The following ZBTB24 variants were observed in gnomAD, a reference collection of about 807,000 sequenced individuals.
The protein encoded by ZBTB24 is zinc finger and BTB domain containing 24.
ZBTB24 carries 32 observed loss-of-function variants against 53.8 expected under a neutral mutation model. The ratio of observed to expected loss-of-function variants is 0.60; its 90% CI spans 0.45 to 0.80. The LOEUF (loss-of-function observed/expected upper bound fraction) is 0.80. ZBTB24 is among the 30% of genes least tolerant of loss of function. The pLI, the probability that ZBTB24 is intolerant of heterozygous loss-of-function variation, is 0.00. For missense variants in ZBTB24, 722 were observed against 837.1 expected, an observed-to-expected ratio of 0.86 and a Z score of 1.70; for synonymous variants, 297 against 306.7, an observed-to-expected ratio of 0.97 and a Z score of 0.33.
rs1332487786 is a variant in ZBTB24 at position 109,465,495 on chromosome 6, A to G, written c.*356T>C. The G allele has an allele frequency of 8.4e-6, 6 of 711,488 alleles. No individual in the cohort carries two copies. Among genetic ancestry groups the G allele is most frequent in the East Asian group, 5.4e-5 (2 of 36,808 alleles). 44.1% of individuals were successfully genotyped at this position (711,488 alleles called of 1,614,324 possible). A position where few individuals can be genotyped will look rare whatever the true frequency, so the allele number is the denominator to read the frequency against. On this transcript the variant is annotated 3_prime_UTR_variant, in exon 7 of 7. Coordinates refer to ENST00000230122, the MANE Select transcript of ZBTB24 (RefSeq NM_014797.3). ...CCTTTGTCCTAGAAAACAAAAAAAC[A>G]TAACTGGGGAGGTTGGCAAGACCAT...
chr6:109,481,579 T>C lies in ZBTB24; in HGVS notation c.448A>G (p.Ile150Val), dbSNP rs1554228827. ...LNTAGAPVVVISNKKNDPPKR... is the reference protein window; with the variant it reads ...LNTAGAPVVVVSNKKNDPPKR... ...GGAGGATCGTTTTTCTTATTAGAGA[T>C]AACAACCACTGGGGCACCAGCAGTG... The change falls in exon 2 of 7, where the codon ATC becomes GTC. Residue 150 changes from isoleucine to valine, a missense_variant. Coordinates refer to ENST00000230122, the MANE Select transcript of ZBTB24 (RefSeq NM_014797.3). 6.2e-7 allele frequency: 1 copy of C among 1,614,232 alleles called. No homozygotes were observed. Among genetic ancestry groups the C allele is most frequent in the Admixed American group, 1.7e-5 (1 of 60,030 alleles).
At position 109,481,393 on chromosome 6, in the gene ZBTB24, C is replaced by A. The variant is rs984093035; in HGVS notation, c.634G>T (p.Ala212Ser). 1.2e-6 allele frequency: 2 copies of A among 1,614,214 alleles called. No homozygotes were observed. The highest frequency in any genetic ancestry group is 1.7e-6 in the Non-Finnish European group (2 of 1,180,044). Reference sequence around the variant, plus strand: ...TCCGATTCTTCCTTTTCTTTTGCTGCAATTTGCTCATTCAGTACACCACTG... The same window carrying A: ...TCCGATTCTTCCTTTTCTTTTGCTGAAATTTGCTCATTCAGTACACCACTG... Reference protein sequence around the residue: ...GDSGVLNEQIAAKEKEESEPT... With the variant: ...GDSGVLNEQISAKEKEESEPT... The change falls in exon 2 of 7, where the codon GCA (alanine) becomes TCA (serine). Residue 212 changes from alanine (A) to serine (S), a missense_variant. Physicochemically the swap from Ala to Ser is moderately conservative, Grantham distance 99. Transcript: ENST00000230122.
At chr6:109,469,162 A>G (rs988624407) in intron 5 of ZBTB24, among the ~76,000 whole-genome samples, 1 of 152,224 alleles carries the variant, frequency 6.6e-6, no homozygotes, top group African/African-American at 2.4e-5. Context: ...TACAAAGATT[A>G]AAACCAGGCA....
intron 2 of ZBTB24, among the ~76,000 whole-genome samples, chr6:109,478,813 GACA>G (rs1776334352): frequency 7.7e-6 from 1 of 130,652 alleles, no homozygotes; most frequent in African/African-American, 4.1e-5. Flanking sequence ...TTGTAATAGT[GACA>G]GACAAACAAG....
chr6:109,480,738 C>A (rs3778479), intron 2 of ZBTB24, among the ~76,000 whole-genome samples: 2,897 of 152,308 alleles, frequency 0.019, 76 homozygotes, highest in East Asian at 0.099. Flanking sequence ...GAGAGGGGTT[C>A]TTGAACCAGG....
At chr6:109,475,258 A>T in intron 5 of ZBTB24, 141 bp downstream of exon 5, 1 of 1,028,000 alleles carries the variant, frequency 9.7e-7, no homozygotes, top group Non-Finnish European at 1.5e-6. Flanking sequence ...CCAACTTTTA[A>T]CTTATCTTCT....
rs571643171 is a variant in ZBTB24 at position 109,464,923 on chromosome 6, A to T, written c.*928T>A. Reference sequence around the variant, plus strand: ...TATCAGACACAACACGTAGATCAACATTTTCAGGAGATCAGTTAGAATTCA... The same window carrying T: ...TATCAGACACAACACGTAGATCAACTTTTTCAGGAGATCAGTTAGAATTCA... On this transcript the variant is annotated 3_prime_UTR_variant, in exon 7 of 7. Transcript: ENST00000230122. 2.6e-5 allele frequency: 4 copies of T among 152,334 alleles called. No homozygotes were observed. The highest frequency in any genetic ancestry group is 5.9e-5 in the Non-Finnish European group (4 of 68,014). The allele number at this position is 152,334 out of a possible 1,614,324, so 9.4% of individuals were successfully genotyped here.
At chr6:109,469,096 G>A (rs757304373) in intron 5 of ZBTB24, among the ~76,000 whole-genome samples, 3 of 152,196 alleles carry the variant, frequency 2.0e-5, no homozygotes, top group Non-Finnish European at 2.9e-5. Flanking sequence ...TCGAGGCAGA[G>A]GACAGCTGTA....
chr6:109,477,505 C>T (rs919182693), intron 2 of ZBTB24, among the ~76,000 whole-genome samples: 1 of 152,052 alleles, frequency 6.6e-6, no homozygotes, highest in Non-Finnish European at 1.5e-5. Context: ...ATTGGTGGCA[C>T]CTGCTATCTC....
In ZBTB24 at chr6:109,465,766, GGA is replaced by G; in HGVS notation, c.*83_*84del. 1 of 1,613,290 alleles carries G rather than the reference GGA, an allele frequency of 6.2e-7. No individual in the cohort carries two copies. The highest frequency in any genetic ancestry group is 8.5e-7 in the Non-Finnish European group (1 of 1,179,836). On this transcript the variant is annotated 3_prime_UTR_variant, in exon 7 of 7. Transcript: ENST00000230122. ...AGAAGCATCTGCAAGTCAATGGTGT[GGA>G]GAGCCTGATTTCAAGCGTTCAAAAT... is the stretch of plus-strand genomic sequence containing the variant.
rs191090351 is a variant in ZBTB24 at position 109,472,510 on chromosome 6, A to C, written c.1288+2889T>G. 2.6e-3 allele frequency among the ~76,000 whole-genome samples: 391 copies of C among 152,294 alleles called. 6 individuals carry two copies. Among genetic ancestry groups the C allele is most frequent in the Non-Finnish European group, 8.4e-4 (57 of 68,030 alleles). On this transcript the variant is annotated intron_variant, in intron 5 of 6. Coordinates refer to ENST00000230122, the MANE Select transcript of ZBTB24 (RefSeq NM_014797.3). ...AGAAACCTCACTCCCCCTTATGCTC[A>C]GGCAACAGAACCAAGGGGAAGTGCC...
At chr6:109,478,055 C>T (rs1776316815) in intron 2 of ZBTB24, among the ~76,000 whole-genome samples, 1 of 152,164 alleles carries the variant, frequency 6.6e-6, no homozygotes, top group East Asian at 1.9e-4. Flanking sequence ...TTCCCCTAGG[C>T]TTCTCCTGGG....
intron 2 of ZBTB24, among the ~76,000 whole-genome samples, chr6:109,479,998 C>G (rs1269243447): frequency 2.7e-5 from 4 of 148,994 alleles, no homozygotes; most frequent in African/African-American, 9.9e-5. Context: ...CCACTTTGTT[C>G]GAAGTACCTG....
chr6:109,467,590 A>G, intron 6 of ZBTB24, 63 bp downstream of exon 6: 1 of 1,612,990 alleles, frequency 6.2e-7, no homozygotes, highest in African/African-American at 1.3e-5. Context: ...AACACATGTC[A>G]CCTCACTGAA....
Position 109,465,864 on chromosome 6 carries a change from T to C in ZBTB24, c.2081A>G (p.Gln694Arg), listed in dbSNP as rs1776023624. 1.2e-6 allele frequency: 2 copies of C among 1,614,080 alleles called. No homozygotes were observed. The highest frequency in any genetic ancestry group is 1.7e-6 in the Non-Finnish European group (2 of 1,180,044). ...HHVPQPTPLG[Q>R]EQS ...CGTGTTTACAGGTCAGCTCTGCTCC[T>C]GGCCAAGTGGCGTTGGCTGGGGCAC... Residue 694 changes from glutamine (Q) to arginine (R), a missense_variant, in exon 7 of 7, where the codon CAG (glutamine) becomes CGG (arginine). Transcript: ENST00000230122.
chr6:109,481,474 GT>G lies in ZBTB24; in HGVS notation c.552del (p.Gln185SerfsTer2). The G allele has an allele frequency of 6.2e-7, 1 of 1,614,148 alleles. No homozygotes were observed. The highest frequency in any genetic ancestry group is 8.5e-7 in the Non-Finnish European group (1 of 1,180,030). On this transcript the variant is annotated frameshift_variant, in exon 2 of 7. Coordinates refer to ENST00000230122, the MANE Select transcript of ZBTB24 (RefSeq NM_014797.3). LOFTEE classifies it high-confidence loss of function. ...EKSELAAEEE[I>X]QLRVNNSVQN... ...TGAACTGAATTGTTCACTCTTAACT[GT>G]ATTTCTTCCTCTGCAGCCAGTTCTG...
At chr6:109,475,986 A>C (rs944870185) in intron 4 of ZBTB24, among the ~76,000 whole-genome samples, 189 bp downstream of exon 4, 9 of 152,244 alleles carry the variant, frequency 5.9e-5, no homozygotes, top group Non-Finnish European at 1.2e-4. Context: ...GTATACAAAT[A>C]AAACATAATT....
rs1363860544 is a variant in ZBTB24 at position 109,481,463 on chromosome 6, C to G, written c.564G>C (p.Val188=). 6.2e-7 allele frequency: 1 copy of G among 1,614,230 alleles called. No individual in the cohort carries two copies. Among genetic ancestry groups the G allele is most frequent in the Non-Finnish European group, 8.5e-7 (1 of 1,180,048 alleles). Residue 188 remains valine, a synonymous_variant, in exon 2 of 7, where the codon GTG becomes GTC. Transcript: ENST00000230122. Reference sequence around the variant, plus strand: ...TTTGTCTATTCTGAACTGAATTGTTCACTCTTAACTGTATTTCTTCCTCTG... The same window carrying G: ...TTTGTCTATTCTGAACTGAATTGTTGACTCTTAACTGTATTTCTTCCTCTG... ...LAAEEEIQLR[V]NNSVQNRQNF... is the part of the protein sequence containing the mutation.
chr6:109,480,466 T>C (rs1207177468), intron 2 of ZBTB24, among the ~76,000 whole-genome samples: 1 of 152,210 alleles, frequency 6.6e-6, no homozygotes, highest in Non-Finnish European at 1.5e-5. Flanking sequence ...CACATGTGGT[T>C]ACTGGCCACC....
Sources: gnomAD v4.1 joint callset for allele counts (sites outside exome capture counted in the v4.1 genomes callset) on GRCh38, gnomAD v4.1.1 for gene constraint, MANE v1.5 for transcripts, NCBI Gene and HGNC (gene_info 2026-07-23, HGNC 2026-07-21) for gene names.